Variants in FHIP1A observed in about 807,000 individuals in gnomAD.
FHIP1A encodes the protein FHF complex subunit HOOK interacting protein 1A.
A neutral mutation model predicts 88.6 loss-of-function variants in FHIP1A; 61 were observed. The observed-to-expected ratio is 0.69, with a 90% confidence interval of 0.56 to 0.85. The LOEUF (loss-of-function observed/expected upper bound fraction) is 0.85, where lower values mean the gene tolerates loss of function less well. Among genes scored for constraint, FHIP1A ranks in the 40% least tolerant of loss-of-function variants. The pLI is 0.00. For missense variants in FHIP1A, 1,154 were observed against 1,273.5 expected, an observed-to-expected ratio of 0.91 and a Z score of 1.43; for synonymous variants, 478 against 496.0, an observed-to-expected ratio of 0.96 and a Z score of 0.48.
intron 3 of FHIP1A, among the ~76,000 whole-genome samples, chr4:151,499,823 C>G (rs1730587085): frequency 6.6e-6 from 1 of 152,170 alleles, no homozygotes; most frequent in African/African-American, 2.4e-5. Context: ...AGAACTCACT[C>G]ACTATCATGA....
At chr4:151,608,241 C>T (rs1735160764) in intron 7 of FHIP1A, among the ~76,000 whole-genome samples, 1 of 151,584 alleles carries the variant, frequency 6.6e-6, no homozygotes, top group Non-Finnish European at 1.5e-5. Context: ...GACAGAGTTT[C>T]ACCATGTTGG....
At chr4:151,476,096 G>C (rs1300934320) in intron 2 of FHIP1A, among the ~76,000 whole-genome samples, 1 of 150,832 alleles carries the variant, frequency 6.6e-6, no homozygotes, top group East Asian at 2.0e-4. Flanking sequence ...TTTTGACCTT[G>C]TGATTCGCCT....
chr4:151,568,600 C>T (rs974098389), intron 4 of FHIP1A, among the ~76,000 whole-genome samples: 7 of 152,110 alleles, frequency 4.6e-5, no homozygotes, highest in African/African-American at 9.7e-5. Context: ...AGGCATCACA[C>T]GTGGGACTTG....
chr4:151,595,575 A>G (rs953642666), intron 7 of FHIP1A, among the ~76,000 whole-genome samples: 6 of 152,126 alleles, frequency 3.9e-5, no homozygotes, highest in Non-Finnish European at 8.8e-5. Flanking sequence ...CGTCCTGGAT[A>G]TCTTTGTTAA....
At chr4:151,497,258 AATAAATCCATATTTTGCTAAATATG>A in intron 3 of FHIP1A, among the ~76,000 whole-genome samples, 1 of 152,178 alleles carries the variant, frequency 6.6e-6, no homozygotes, top group East Asian at 1.9e-4. Context: ...TATGCTTTTA[AATAAATCCATATTTTGCTAAATATG>A]ACATTATCTA....
chr4:151,643,899 T>C (rs1736689565), intron 9 of FHIP1A, among the ~76,000 whole-genome samples: 1 of 152,222 alleles, frequency 6.6e-6, no homozygotes, highest in Non-Finnish European at 1.5e-5. Flanking sequence ...AGTTGCAAAT[T>C]CCCAATAAGT....
intron 1 of FHIP1A, among the ~76,000 whole-genome samples, chr4:151,444,680 A>G (rs929840060): frequency 6.6e-6 from 1 of 152,176 alleles, no homozygotes; most frequent in East Asian, 1.9e-4. Context: ...ATGGAATTCC[A>G]TAACATGTAC....
intron 8 of FHIP1A, among the ~76,000 whole-genome samples, chr4:151,633,704 C>A (rs932311184): frequency 6.6e-6 from 1 of 151,862 alleles, no homozygotes; most frequent in Non-Finnish European, 1.5e-5. Flanking sequence ...GGACAAAACC[C>A]ACAGCGTCAT....
At chr4:151,624,867 TG>T (rs1278115595) in intron 7 of FHIP1A, among the ~76,000 whole-genome samples, 3 of 152,182 alleles carry the variant, frequency 2.0e-5, no homozygotes, top group Admixed American at 1.3e-4. Context: ...TTTTCAGATC[TG>T]GAGTCATTGA....
At chr4:151,501,249 G>C (rs1209890127) in intron 3 of FHIP1A, among the ~76,000 whole-genome samples, 1 of 152,178 alleles carries the variant, frequency 6.6e-6, no homozygotes, top group Non-Finnish European at 1.5e-5. Flanking sequence ...GTATTTGCTT[G>C]AGTACCTGTC....
chr4:151,634,346 C>T (rs1415541794), intron 8 of FHIP1A, among the ~76,000 whole-genome samples: 2 of 151,614 alleles, frequency 1.3e-5, no homozygotes, highest in Non-Finnish European at 3.0e-5. Context: ...CAAAAGCAAT[C>T]TACAGATTCC....
intron 1 of FHIP1A, among the ~76,000 whole-genome samples, chr4:151,411,362 T>TA (rs1561483440): frequency 6.7e-6 from 1 of 148,944 alleles, no homozygotes; most frequent in African/African-American, 2.5e-5. Context: ...TTTTTTTTTT[T>TA]AAAGTTAGGG....
At chr4:151,503,604 A>C (rs986186296) in intron 3 of FHIP1A, among the ~76,000 whole-genome samples, 1 of 152,138 alleles carries the variant, frequency 6.6e-6, no homozygotes, top group Non-Finnish European at 1.5e-5. Context: ...AGGAAAGAGA[A>C]AAGAAGAGAA....
chr4:151,479,896 T>A (rs936762452), intron 2 of FHIP1A, among the ~76,000 whole-genome samples: 1 of 152,068 alleles, frequency 6.6e-6, no homozygotes, highest in Non-Finnish European at 1.5e-5. Flanking sequence ...TTTGTTGAAA[T>A]TAGGGATGTG....
At chr4:151,462,356 G>A (rs1353666177) in intron 2 of FHIP1A, among the ~76,000 whole-genome samples, 1 of 152,004 alleles carries the variant, frequency 6.6e-6, no homozygotes, top group Admixed American at 6.6e-5. Flanking sequence ...CTTTCTACAT[G>A]CCAATACTTA....
At chr4:151,598,748 T>G (rs1013516835) in intron 7 of FHIP1A, among the ~76,000 whole-genome samples, 2 of 152,218 alleles carry the variant, frequency 1.3e-5, no homozygotes, top group Non-Finnish European at 2.9e-5. Context: ...TTTTCTATAG[T>G]GTGAATAGGT....
chr4:151,614,412 T>C (rs1046288754), intron 7 of FHIP1A, among the ~76,000 whole-genome samples: 8 of 147,462 alleles, frequency 5.4e-5, no homozygotes, highest in African/African-American at 2.0e-4. Context: ...GAGGCTACAG[T>C]AAGCGGTGAT....
chr4:151,642,581 A>G (rs994127114), intron 9 of FHIP1A, among the ~76,000 whole-genome samples: 2 of 152,132 alleles, frequency 1.3e-5, no homozygotes, highest in African/African-American at 2.4e-5. Context: ...ATTCACTAAC[A>G]TTGCTTTGTA....
chr4:151,453,542 T>C (rs922683667), intron 1 of FHIP1A, among the ~76,000 whole-genome samples: 13 of 152,178 alleles, frequency 8.5e-5, no homozygotes, highest in African/African-American at 2.7e-4. Flanking sequence ...AACAAACTTA[T>C]TAATGTGTGT....
Sources: allele counts gnomAD v4.1 joint callset (sites outside exome capture counted in the v4.1 genomes callset), GRCh38; gene constraint gnomAD v4.1.1; transcripts MANE v1.5; gene names NCBI Gene and HGNC (gene_info 2026-07-23, HGNC 2026-07-21).